Variants in ZNF487 observed in about 807,000 individuals in gnomAD.
ZNF487 encodes zinc finger protein 487.
ZNF487 carries 4 observed loss-of-function variants against 3.0 expected under a neutral mutation model. The ratio of observed to expected loss-of-function variants is 1.35; its 90% CI spans 0.66 to 3.08. The LOEUF (loss-of-function observed/expected upper bound fraction) is 3.08, where lower values mean the gene tolerates loss of function less well. ZNF487 is among the 30% of genes most tolerant of loss of function. The probability of loss-of-function intolerance (pLI) is 0.01; values close to 1 mark genes in which losing one functional copy is unlikely to be tolerated. For missense variants in ZNF487, 146 were observed against 98.7 expected, an observed-to-expected ratio of 1.48 and a Z score of -2.03; for synonymous variants, 55 against 34.6, an observed-to-expected ratio of 1.59 and a Z score of -2.06.
chr10:43,483,804 A>G (rs911400596), downstream of ZNF487, among the ~76,000 whole-genome samples: 2 of 152,194 alleles, frequency 1.3e-5, no homozygotes, highest in African/African-American at 4.8e-5. Flanking sequence ...CTGGGATTAC[A>G]GGTGTGAACC....
chr10:43,519,566 C>T, the ZNF487 span, among the ~76,000 whole-genome samples: 37 of 151,740 alleles, frequency 2.4e-4, no homozygotes, highest in Admixed American at 6.6e-4. Flanking sequence ...CTCCCAGGTT[C>T]AGGCATTTCT....
At chr10:43,447,480 G>T (rs936210383) in intron 1 of ZNF487, among the ~76,000 whole-genome samples, 9 of 152,068 alleles carry the variant, frequency 5.9e-5, no homozygotes, top group Non-Finnish European at 5.9e-5. Flanking sequence ...GACCTCAAGT[G>T]ATCTGCCTGC....
chr10:43,445,474 A>G (rs960779302), intron 1 of ZNF487, among the ~76,000 whole-genome samples: 43 of 152,120 alleles, frequency 2.8e-4, no homozygotes, highest in Admixed American at 5.2e-4. Flanking sequence ...ATTCTGGGAT[A>G]TAGTTAAGTT....
intron 1 of ZNF487, among the ~76,000 whole-genome samples, chr10:43,438,969 C>T (rs757252382): frequency 4.6e-5 from 7 of 152,100 alleles, no homozygotes; most frequent in Middle Eastern, 3.4e-3. Context: ...AGGCCGGGCG[C>T]GGTGTCTCAC....
At chr10:43,457,818 C>G (rs1324210810) in intron 1 of ZNF487, among the ~76,000 whole-genome samples, 1 of 151,860 alleles carries the variant, frequency 6.6e-6, no homozygotes, top group Non-Finnish European at 1.5e-5. Flanking sequence ...GTCAGGAGAT[C>G]GAGACCATCT....
chr10:43,455,307 G>C (rs963400135), intron 1 of ZNF487, among the ~76,000 whole-genome samples: 1 of 152,136 alleles, frequency 6.6e-6, no homozygotes, highest in African/African-American at 2.4e-5. Context: ...CACGGCGCAC[G>C]GCCTAGTTTG....
At chr10:43,474,530 A>C (rs1476863189) in intron 1 of ZNF487, among the ~76,000 whole-genome samples, 1 of 152,128 alleles carries the variant, frequency 6.6e-6, no homozygotes, top group Non-Finnish European at 1.5e-5. Context: ...ATGCCTGTGA[A>C]TGTACTCCAG....
At chr10:43,505,829 G>T in the ZNF487 span, among the ~76,000 whole-genome samples, 2 of 152,024 alleles carry the variant, frequency 1.3e-5, no homozygotes, top group African/African-American at 4.8e-5. Context: ...TTTTAGTAGA[G>T]ACAGGATTTC....
rs190050616 is a variant in ZNF487 at position 43,479,572 on chromosome 10, C to T, written c.131-1857C>T. ...TCTTATTGAGCTGCTTGAAGCATTA[C>T]TTGTGACAAAAATATAAAAGAAGCC... On this transcript the variant is annotated intron_variant, in intron 3 of 3. Coordinates refer to ENST00000437590, the MANE Select transcript of ZNF487 (RefSeq NM_001355444.3). 2.6e-3 allele frequency among the ~76,000 whole-genome samples: 397 copies of T among 152,260 alleles called. 3 individuals carry two copies. Among genetic ancestry groups the T allele is most frequent in the Non-Finnish European group, 4.4e-3 (301 of 68,016 alleles).
the ZNF487 span, among the ~76,000 whole-genome samples, chr10:43,496,621 A>T: frequency 6.6e-6 from 1 of 152,182 alleles, no homozygotes; most frequent in Admixed American, 6.5e-5. Flanking sequence ...AAGGAATTTT[A>T]TATTTCATTT....
the ZNF487 span, among the ~76,000 whole-genome samples, chr10:43,496,306 CT>C: frequency 6.6e-5 from 10 of 152,234 alleles, no homozygotes; most frequent in African/African-American, 2.2e-4. Flanking sequence ...TCACTGGAAA[CT>C]TTTTTCCCCT....
chr10:43,519,969 G>A, the ZNF487 span, among the ~76,000 whole-genome samples: 921 of 152,320 alleles, frequency 6.0e-3, 3 homozygotes, highest in Non-Finnish European at 0.01. Context: ...GAATGAATAA[G>A]TGAAAAGTGG....
At chr10:43,471,248 C>T (rs112199615) in intron 1 of ZNF487, among the ~76,000 whole-genome samples, 61 of 152,274 alleles carry the variant, frequency 4.0e-4, no homozygotes, top group Middle Eastern at 6.8e-3. Context: ...TGGCTGGCTG[C>T]TCCGGGCACT....
chr10:43,522,521 G>T, the ZNF487 span, among the ~76,000 whole-genome samples: 1 of 151,770 alleles, frequency 6.6e-6, no homozygotes, highest in Non-Finnish European at 1.5e-5. Flanking sequence ...TTTACCTGAG[G>T]TCAGGAGTTC....
chr10:43,503,027 CAAAAAAAA>C, the ZNF487 span, among the ~76,000 whole-genome samples: 1 of 95,746 alleles, frequency 1.0e-5, no homozygotes, highest in African/African-American at 3.7e-5. Context: ...GACCCTGTCT[CAAAAAAAA>C]AAAAAAAAAA....
At chr10:43,521,817 T>C in the ZNF487 span, among the ~76,000 whole-genome samples, 1 of 151,828 alleles carries the variant, frequency 6.6e-6, no homozygotes, top group Non-Finnish European at 1.5e-5. Context: ...AATAAATAAA[T>C]GGTTAAAAAA....
rs183755675 is a variant in ZNF487, at chr10:43,442,722, C to T, written c.-94+5460C>T. Reference sequence around the variant, plus strand: ...CCTCCCAAAATGCTGGGATTACAGGCGTGAGACACCGCGCCCAGCCCTGGA... The same window carrying T: ...CCTCCCAAAATGCTGGGATTACAGGTGTGAGACACCGCGCCCAGCCCTGGA... On this transcript the variant is annotated intron_variant, in intron 1 of 3. Transcript: ENST00000437590. Among the ~76,000 whole-genome samples the T allele has an allele frequency of 5.9e-5, 9 of 152,232 alleles. No individual in the cohort carries two copies. The East Asian group carries it at 9.7e-4, about 16-fold the overall frequency.
chr10:43,469,010 A>G (rs1390877959), intron 1 of ZNF487, among the ~76,000 whole-genome samples: 7 of 150,578 alleles, frequency 4.6e-5, no homozygotes, highest in African/African-American at 9.7e-5. Flanking sequence ...AAAAAAAAAA[A>G]AAAAGAAAAA....
chr10:43,439,734 G>C (rs1839516246), intron 1 of ZNF487, among the ~76,000 whole-genome samples: 1 of 152,050 alleles, frequency 6.6e-6, no homozygotes, highest in African/African-American at 2.4e-5. Flanking sequence ...AAATAAAAAA[G>C]AAAATGTCAT....
Sources: gnomAD v4.1 joint callset for allele counts (sites outside exome capture counted in the v4.1 genomes callset) on GRCh38, gnomAD v4.1.1 for gene constraint, MANE v1.5 for transcripts, NCBI Gene and HGNC (gene_info 2026-07-23, HGNC 2026-07-21) for gene names.